Variants in RBPMS2 observed in about 807,000 individuals in gnomAD.
RBPMS2 encodes RNA-binding protein with multiple splicing 2.
A neutral mutation model predicts 25.7 loss-of-function variants in RBPMS2; 14 were observed. That is an observed-to-expected ratio of 0.55 (90% CI 0.36 to 0.85). RBPMS2 has a LOEUF of 0.85. Ranked by LOEUF, RBPMS2 falls within the 40% of genes least tolerant of loss-of-function variation. The probability of loss-of-function intolerance (pLI) is 0.01; values close to 1 mark genes in which losing one functional copy is unlikely to be tolerated. For missense variants in RBPMS2, 252 were observed against 283.4 expected, an observed-to-expected ratio of 0.89 and a Z score of 0.80; for synonymous variants, 127 against 115.6, an observed-to-expected ratio of 1.10 and a Z score of -0.63.
chr15:64,767,193 G>T (rs138038157), intron 1 of RBPMS2, among the ~76,000 whole-genome samples: 3 of 151,750 alleles, frequency 2.0e-5, no homozygotes, highest in African/African-American at 7.3e-5. Flanking sequence ...TCGACTTCCC[G>T]GGCTCAAGCG....
chr15:64,758,525 T>A lies in RBPMS2; in HGVS notation c.88-6887A>T, dbSNP rs115080809. ...ATATAGGCAAGGAACGTGGCCAGGG[T>A]TGTGTACCCATACAGAATACCACAG... On this transcript the variant is annotated intron_variant, in intron 1 of 7. Coordinates refer to ENST00000300069, the MANE Select transcript of RBPMS2 (RefSeq NM_194272.3). Among the ~76,000 whole-genome samples, 349 of 152,238 alleles carry A rather than the reference T, an allele frequency of 2.3e-3. 1 individual carries two copies. Among genetic ancestry groups the A allele is most frequent in the African/African-American group, 8.2e-3 (342 of 41,514 alleles).
At chr15:64,748,856 G>A (rs1398554539) in intron 5 of RBPMS2, 144 bp downstream of exon 5, 2 of 913,562 alleles carry the variant, frequency 2.2e-6, no homozygotes, top group African/African-American at 3.4e-5. Context: ...AGGCTGCAGG[G>A]GAGGGAGGAA....
rs763737935 is a variant in RBPMS2 at position 64,749,589 on chromosome 15, A to C, written c.205-96T>G. On this transcript the variant is annotated intron_variant, in intron 3 of 7. Transcript: ENST00000300069. ...AAAAAAGAGTATCATCTATGTGGAA[A>C]CAGTATTTGCCCTGCTGATGAGAAT... is the stretch of plus-strand genomic sequence containing the variant. 5.5e-4 allele frequency: 615 copies of C among 1,121,294 alleles called. 1 individual carries two copies. The highest frequency in any genetic ancestry group is 6.4e-4 in the Non-Finnish European group (497 of 772,944). The allele number at this position is 1,121,294 out of a possible 1,614,324, so 69.5% of individuals were successfully genotyped here.
chr15:64,760,584 T>A (rs1234791384), intron 1 of RBPMS2, among the ~76,000 whole-genome samples: 2 of 151,770 alleles, frequency 1.3e-5, no homozygotes, highest in Non-Finnish European at 2.9e-5. Flanking sequence ...CCGGATCACC[T>A]GAGGTCAGGA....
At chr15:64,762,795 G>T (rs555628796) in intron 1 of RBPMS2, among the ~76,000 whole-genome samples, 6 of 152,236 alleles carry the variant, frequency 3.9e-5, no homozygotes, top group African/African-American at 1.4e-4. Flanking sequence ...GAATGCGACT[G>T]AGTCTCAGAT....
chr15:64,751,727 C>T, intron 1 of RBPMS2, 89 bp from the exon 2 acceptor site: 1 of 1,051,938 alleles, frequency 9.5e-7, no homozygotes, highest in Non-Finnish European at 1.5e-6. Flanking sequence ...AACTGGAATC[C>T]TTCTAGAGCT....
chr15:64,752,007 C>T (rs143382923), intron 1 of RBPMS2, among the ~76,000 whole-genome samples: 1,875 of 150,816 alleles, frequency 0.012, 31 homozygotes, highest in African/African-American at 0.044. Flanking sequence ...CTCTGTTGCC[C>T]AGGCTAAACT....
chr15:64,768,730 G>A (rs549882406), intron 1 of RBPMS2, among the ~76,000 whole-genome samples: 2 of 151,556 alleles, frequency 1.3e-5, no homozygotes, highest in South Asian at 2.1e-4. Flanking sequence ...CCAGGAGATC[G>A]AGGCTGCTGT....
At chr15:64,747,160 C>G (rs185224323) in intron 6 of RBPMS2, among the ~76,000 whole-genome samples, 33 of 152,288 alleles carry the variant, frequency 2.2e-4, no homozygotes, top group Admixed American at 1.9e-3. Flanking sequence ...ATTCTGCCCT[C>G]AGTACAACTG....
intron 3 of RBPMS2, 124 bp downstream of exon 3, chr15:64,750,219 A>G (rs752988342): frequency 1.2e-5 from 10 of 860,656 alleles, no homozygotes; most frequent in Non-Finnish European, 2.0e-5. Context: ...CAGAAACAGG[A>G]CAACAGGGAG....
At chr15:64,755,494 A>G (rs1353065868) in intron 1 of RBPMS2, among the ~76,000 whole-genome samples, 6 of 152,096 alleles carry the variant, frequency 3.9e-5, no homozygotes, top group Non-Finnish European at 8.8e-5. Context: ...AGGGAGACTG[A>G]GACCCAGAAA....
chr15:64,752,003 T>C (rs1206983343), intron 1 of RBPMS2, among the ~76,000 whole-genome samples: 1 of 151,208 alleles, frequency 6.6e-6, no homozygotes, highest in Non-Finnish European at 1.5e-5. Context: ...CTTACTCTGT[T>C]GCCCAGGCTA....
rs1178158525 is a variant in RBPMS2 at position 64,744,808 on chromosome 15, T to G, written c.568-3566A>C. 8.2e-3 allele frequency among the ~76,000 whole-genome samples: 833 copies of G among 101,918 alleles called. 36 individuals carry two copies. Among genetic ancestry groups the G allele is most frequent in the African/African-American group, 0.032 (772 of 23,978 alleles). The allele number at this position is 101,918 out of a possible 152,430, so 66.9% of individuals were successfully genotyped here. A position where few individuals can be genotyped will look rare whatever the true frequency, so the allele number is the denominator to read the frequency against. ...TTTTTGGTTTGTTTTGTTTTTTTTTTTTTTTTTTTTTTTTTTTTTTTTTTG... is the reference window on the plus strand; with the variant it reads ...TTTTTGGTTTGTTTTGTTTTTTTTTGTTTTTTTTTTTTTTTTTTTTTTTTG... On this transcript the variant is annotated intron_variant, in intron 6 of 7. Transcript: ENST00000300069.
Position 64,740,191 on chromosome 15 carries a change from T to C in RBPMS2, c.*817A>G, listed in dbSNP as rs1476044591. The C allele has an allele frequency of 6.6e-6, 1 of 152,362 alleles. No individual in the cohort carries two copies. The highest frequency in any genetic ancestry group is 1.9e-4 in the East Asian group (1 of 5,200). 9.4% of individuals were successfully genotyped at this position (152,362 alleles called of 1,614,324 possible). On this transcript the variant is annotated 3_prime_UTR_variant, in exon 8 of 8. Coordinates refer to ENST00000300069, the MANE Select transcript of RBPMS2 (RefSeq NM_194272.3). ...ATCTGACAGGGCGAACGAGGTCGCT[T>C]TAATAATTAATGGTACGCACATGAA...
chr15:64,747,407 C>G (rs2061289933), intron 6 of RBPMS2, among the ~76,000 whole-genome samples: 1 of 152,118 alleles, frequency 6.6e-6, no homozygotes, highest in African/African-American at 2.4e-5. Flanking sequence ...CTTCCTCATC[C>G]CCTCCTGCTC....
chr15:64,748,319 T>C, intron 6 of RBPMS2, 100 bp downstream of exon 6: 1 of 1,263,202 alleles, frequency 7.9e-7, no homozygotes, highest in Admixed American at 2.1e-5. Flanking sequence ...AGAGTTCTGC[T>C]GCAGCTCTGG....
At chr15:64,743,670 C>G (rs1387877320) in intron 6 of RBPMS2, among the ~76,000 whole-genome samples, 2 of 152,188 alleles carry the variant, frequency 1.3e-5, no homozygotes, top group Non-Finnish European at 2.9e-5. Context: ...GAGTACCCCC[C>G]ACAGGCTATA....
chr15:64,740,544 G>GC lies in RBPMS2; in HGVS notation c.*463dup, dbSNP rs113645684. ...GCAGGGGCGGGGCGAGGAGAGAGGG[G>GC]CAGGCAGGATGAACCACTGGGAGCC... is the stretch of plus-strand genomic sequence containing the variant. On this transcript the variant is annotated 3_prime_UTR_variant, in exon 8 of 8. Transcript: ENST00000300069. The GC allele has an allele frequency of 0.15, 22,315 of 152,814 alleles. 1,972 individuals are homozygous for GC. Among genetic ancestry groups the GC allele is most frequent in the South Asian group, 0.26 (1,266 of 4,828 alleles). 9.5% of individuals were successfully genotyped at this position (152,814 alleles called of 1,614,324 possible). A position where few individuals can be genotyped will look rare whatever the true frequency, so the allele number is the denominator to read the frequency against.
chr15:64,774,732 A>AGCCGGCCGGCCGGCCG (rs146916271), intron 1 of RBPMS2, among the ~76,000 whole-genome samples: 102,539 of 146,520 alleles, frequency 0.7, 37,271 homozygotes, highest in Admixed American at 0.81. Context: ...GGAACCGAGG[A>AGCCGGCCGGCCGGCCG]GCCGGCCGGC....
Sources: gnomAD v4.1 joint callset for allele counts (sites outside exome capture counted in the v4.1 genomes callset) on GRCh38, gnomAD v4.1.1 for gene constraint, MANE v1.5 for transcripts, NCBI Gene and HGNC (gene_info 2026-07-23, HGNC 2026-07-21) for gene names.